TMEM232: variants seen among roughly 807,000 people sequenced by gnomAD.
TMEM232 encodes transmembrane protein 232.
Under a neutral mutation model 78.8 loss-of-function variants are expected in TMEM232, and 80 were observed. The observed-to-expected ratio is 1.01, with a 90% CI of 0.85 to 1.22. TMEM232 has a LOEUF of 1.22. Among genes scored for constraint, TMEM232 ranks in the 50% most tolerant of loss-of-function variants. The pLI, the probability that TMEM232 is intolerant of heterozygous loss-of-function variation, is 0.00. For synonymous variants in TMEM232, 297 were observed against 254.3 expected, an observed-to-expected ratio of 1.17 and a Z score of -1.60; for missense variants, 881 against 742.2, an observed-to-expected ratio of 1.19 and a Z score of -2.17.
chr5:110,620,577 ATCTCTCTCTCTCTC>A (rs66736608), intron 7 of TMEM232, among the ~76,000 whole-genome samples: 2,617 of 43,116 alleles, frequency 0.061, 128 homozygotes, highest in East Asian at 0.11. Flanking sequence ...TGTCTCTCAT[ATCTCTCTCTCTCTC>A]TCTCTCTCTC....
At chr5:110,583,483 C>T (rs1019250494) in intron 10 of TMEM232, among the ~76,000 whole-genome samples, 1 of 151,816 alleles carries the variant, frequency 6.6e-6, no homozygotes, top group Non-Finnish European at 1.5e-5. Flanking sequence ...ACACAAAAAT[C>T]AACTCAAAAT....
At chr5:110,696,536 T>C (rs180681299) in intron 1 of TMEM232, among the ~76,000 whole-genome samples, 3 of 152,300 alleles carry the variant, frequency 2.0e-5, no homozygotes, top group East Asian at 1.9e-4. Context: ...GATGACATGA[T>C]TGTATATCTA....
intron 1 of TMEM232, among the ~76,000 whole-genome samples, chr5:110,676,508 C>T (rs186180018): frequency 1.1e-3 from 162 of 151,680 alleles, no homozygotes; most frequent in African/African-American, 3.8e-3. Context: ...TGGGCTTAAG[C>T]GATCCTCCCG....
At chr5:110,442,250 T>A (rs897346219) in intron 12 of TMEM232, among the ~76,000 whole-genome samples, 2 of 151,926 alleles carry the variant, frequency 1.3e-5, no homozygotes, top group African/African-American at 4.9e-5. Flanking sequence ...CCAATAACTC[T>A]TAGATTTCCC....
chr5:110,585,538 G>A (rs28516873), intron 10 of TMEM232, among the ~76,000 whole-genome samples: 105,522 of 152,018 alleles, frequency 0.69, 38,279 homozygotes, highest in African/African-American at 0.92. Context: ...CGCAAAATAT[G>A]CCTTCTATTC....
chr5:110,549,658 T>C (rs1057130162), intron 11 of TMEM232, among the ~76,000 whole-genome samples: 1 of 125,424 alleles, frequency 8.0e-6, no homozygotes, highest in African/African-American at 2.9e-5. Context: ...GGCCTTGGAA[T>C]GACAGATTAA....
At chr5:110,597,516 T>G (rs1247953420) in intron 10 of TMEM232, among the ~76,000 whole-genome samples, 8 of 151,910 alleles carry the variant, frequency 5.3e-5, no homozygotes, top group Admixed American at 5.2e-4. Flanking sequence ...AAAACTACTT[T>G]AAAGTTCATA....
At chr5:110,536,492 C>T (rs1772375719) in intron 11 of TMEM232, among the ~76,000 whole-genome samples, 1 of 152,198 alleles carries the variant, frequency 6.6e-6, no homozygotes, top group Non-Finnish European at 1.5e-5. Flanking sequence ...GGCAGTGGTA[C>T]AGGGTGAACT....
At chr5:110,655,225 C>T (rs1487629576) in intron 2 of TMEM232, among the ~76,000 whole-genome samples, 1 of 151,820 alleles carries the variant, frequency 6.6e-6, no homozygotes, top group African/African-American at 2.4e-5. Flanking sequence ...AACAAACAAC[C>T]CCATCAAAAA....
At chr5:110,503,700 C>A (rs1420488157) in intron 12 of TMEM232, among the ~76,000 whole-genome samples, 1 of 152,130 alleles carries the variant, frequency 6.6e-6, no homozygotes, top group African/African-American at 2.4e-5. Flanking sequence ...TAAACAAGAT[C>A]TTTGTTTTCC....
intron 11 of TMEM232, among the ~76,000 whole-genome samples, chr5:110,533,503 T>C (rs186698562): frequency 7.8e-4 from 118 of 152,126 alleles, no homozygotes; most frequent in African/African-American, 2.8e-3. Flanking sequence ...GCTGCTTTAA[T>C]ACTTTTAGAG....
intron 5 of TMEM232, among the ~76,000 whole-genome samples, chr5:110,629,382 A>G (rs549046415): frequency 2.0e-5 from 3 of 152,188 alleles, no homozygotes; most frequent in Non-Finnish European, 4.4e-5. Context: ...AGTTATAGCT[A>G]TACTTGAAAA....
chr5:110,715,823 T>A (rs937324447), intron 1 of TMEM232, among the ~76,000 whole-genome samples: 2 of 152,092 alleles, frequency 1.3e-5, no homozygotes, highest in East Asian at 3.9e-4. Flanking sequence ...AGACCTTAAG[T>A]CTGATAAGAA....
intron 3 of TMEM232, among the ~76,000 whole-genome samples, chr5:110,641,817 T>C (rs1203469550): frequency 6.6e-6 from 1 of 152,200 alleles, no homozygotes; most frequent in Non-Finnish European, 1.5e-5. Context: ...TGATATCTAT[T>C]TGTAAATTTG....
intron 10 of TMEM232, among the ~76,000 whole-genome samples, chr5:110,582,304 A>G (rs1778298678): frequency 1.3e-5 from 2 of 152,022 alleles, no homozygotes; most frequent in African/African-American, 4.8e-5. Context: ...TATGGTACAT[A>G]TACACCATGG....
intron 11 of TMEM232, among the ~76,000 whole-genome samples, chr5:110,533,031 G>A (rs560907670): frequency 5.3e-5 from 8 of 152,008 alleles, no homozygotes; most frequent in African/African-American, 7.2e-5. Flanking sequence ...TGCCCAACCC[G>A]TACACTCTAT....
intron 10 of TMEM232, among the ~76,000 whole-genome samples, chr5:110,572,996 AAAGAT>A (rs1313431446): frequency 6.6e-6 from 1 of 152,066 alleles, no homozygotes; most frequent in Non-Finnish European, 1.5e-5. Flanking sequence ...GGCAGCTATC[AAAGAT>A]ATCACTTTAA....
intron 10 of TMEM232, among the ~76,000 whole-genome samples, chr5:110,582,158 G>A (rs1055792718): frequency 9.9e-5 from 15 of 151,852 alleles, no homozygotes; most frequent in East Asian, 1.9e-4. Context: ...TCATTACTGC[G>A]TATATACCCA....
At chr5:110,589,445 C>T (rs942194617) in intron 10 of TMEM232, among the ~76,000 whole-genome samples, 2 of 152,116 alleles carry the variant, frequency 1.3e-5, no homozygotes, top group African/African-American at 2.4e-5. Flanking sequence ...TTCTCAACGT[C>T]ACCTTTTGCA....
Sources: gnomAD v4.1 joint callset for allele counts (sites outside exome capture counted in the v4.1 genomes callset) on GRCh38, gnomAD v4.1.1 for gene constraint, MANE v1.5 for transcripts, NCBI Gene and HGNC (gene_info 2026-07-23, HGNC 2026-07-21) for gene names.